FSTL5: variants seen among roughly 807,000 people sequenced by gnomAD.
The protein encoded by FSTL5 is follistatin like 5.
In FSTL5, 62 loss-of-function variants were observed where a neutral mutation model predicts 89.1. That is an observed-to-expected ratio of 0.70 (90% CI 0.57 to 0.86). The LOEUF (loss-of-function observed/expected upper bound fraction) is 0.86, where lower values mean the gene tolerates loss of function less well. Among genes scored for constraint, FSTL5 ranks in the 40% least tolerant of loss-of-function variants. The pLI is 0.00. For missense variants in FSTL5, 1,057 were observed against 1,001.6 expected (o/e 1.06, Z -0.75); for synonymous variants, 383 against 346.2 (o/e 1.11, Z -1.18).
intron 4 of FSTL5, among the ~76,000 whole-genome samples, chr4:161,901,926 C>G (rs1266960917): frequency 6.6e-6 from 1 of 152,096 alleles, no homozygotes; most frequent in East Asian, 1.9e-4. Flanking sequence ...CAGAGTGAGT[C>G]TCCATCTCCA....
chr4:161,519,831 G>A (rs1482606306), intron 10 of FSTL5, among the ~76,000 whole-genome samples: 3 of 152,108 alleles, frequency 2.0e-5, no homozygotes, highest in Non-Finnish European at 4.4e-5. Flanking sequence ...TAAGTATGTG[G>A]CAAGCAAAGT....
chr4:162,059,619 T>G (rs1156362428), intron 2 of FSTL5, among the ~76,000 whole-genome samples: 1 of 152,182 alleles, frequency 6.6e-6, no homozygotes, highest in African/African-American at 2.4e-5. Context: ...CACAGTAGTC[T>G]GCTAAGCCAA....
At chr4:161,790,136 G>T (rs888092682) in intron 4 of FSTL5, among the ~76,000 whole-genome samples, 2 of 152,108 alleles carry the variant, frequency 1.3e-5, no homozygotes, top group African/African-American at 4.8e-5. Context: ...ATTCTTACAA[G>T]GCCATAGAGT....
intron 3 of FSTL5, among the ~76,000 whole-genome samples, chr4:161,987,773 A>T (rs566330113): frequency 2.6e-5 from 4 of 151,676 alleles, no homozygotes; most frequent in Non-Finnish European, 5.9e-5. Flanking sequence ...AAGTTTCTCA[A>T]TGCAGGAATG....
At position 161,476,952 on chromosome 4, in the gene FSTL5, T is replaced by G. The variant is rs776917309; in HGVS notation, c.1608+4068A>C. 4.9e-4 allele frequency among the ~76,000 whole-genome samples: 75 copies of G among 152,198 alleles called. 1 individual carries two copies. Among genetic ancestry groups the G allele is most frequent in the Non-Finnish European group, 1.6e-4 (11 of 68,046 alleles). On this transcript the variant is annotated intron_variant, in intron 13 of 15. Transcript: ENST00000306100. ...TCTGCATGCAAGCTTCTCCTGTTTT[T>G]GACAGTTAATATTTTAATAGGCCAT...
At chr4:161,563,044 G>A (rs373880948) in intron 8 of FSTL5, among the ~76,000 whole-genome samples, 28 of 151,916 alleles carry the variant, frequency 1.8e-4, no homozygotes, top group African/African-American at 5.8e-4. Context: ...CAACATGTGT[G>A]GGCTACAAGG....
At chr4:161,503,179 A>G (rs1299885002) in intron 11 of FSTL5, among the ~76,000 whole-genome samples, 1 of 151,750 alleles carries the variant, frequency 6.6e-6, no homozygotes, top group Non-Finnish European at 1.5e-5. Flanking sequence ...TAAAATTTCC[A>G]TTAGTTAGAG....
intron 15 of FSTL5, among the ~76,000 whole-genome samples, chr4:161,416,700 C>G (rs1731795750): frequency 6.6e-6 from 1 of 150,986 alleles, no homozygotes; most frequent in Admixed American, 6.6e-5. Flanking sequence ...AAAAAATTAG[C>G]CGGGTGTGGT....
intron 4 of FSTL5, among the ~76,000 whole-genome samples, chr4:161,894,722 C>G (rs1377339659): frequency 6.6e-6 from 1 of 152,122 alleles, no homozygotes; most frequent in Non-Finnish European, 1.5e-5. Flanking sequence ...GCCTTGGCCT[C>G]CCAAAGTGCT....
At chr4:161,388,343 T>A (rs1005042243) in intron 15 of FSTL5, 1 of 152,076 alleles carries the variant, frequency 6.6e-6, no homozygotes, top group African/African-American at 2.4e-5. Context: ...ATACTGTTGA[T>A]AATTACTTAT....
chr4:161,636,144 C>T (rs1403668419), intron 7 of FSTL5, among the ~76,000 whole-genome samples: 1 of 150,442 alleles, frequency 6.6e-6, no homozygotes, highest in Non-Finnish European at 1.5e-5. Flanking sequence ...CATTATATAA[C>T]TTATTTTCTC....
chr4:161,580,005 T>G (rs1733378950), intron 8 of FSTL5, among the ~76,000 whole-genome samples: 1 of 152,166 alleles, frequency 6.6e-6, no homozygotes, highest in South Asian at 2.1e-4. Flanking sequence ...TGGATATTAA[T>G]TACTTTGGAC....
intron 15 of FSTL5, chr4:161,386,855 C>G (rs1234294282): frequency 6.2e-6 from 1 of 160,388 alleles, no homozygotes; most frequent in Non-Finnish European, 1.4e-5. Flanking sequence ...ATTGGTTTCA[C>G]TCATTTCATT....
chr4:161,870,671 A>G (rs1276173654), intron 4 of FSTL5, among the ~76,000 whole-genome samples: 1 of 152,188 alleles, frequency 6.6e-6, no homozygotes, highest in African/African-American at 2.4e-5. Flanking sequence ...CAGAGCTACA[A>G]TTGTTAATAA....
rs753867484 is a variant in FSTL5 at position 161,455,120 on chromosome 4, G to A, written c.1725C>T (p.Thr575=). The part of the protein sequence containing the change: ...EKTSPTLQVI[T]LASGNVPHHT... ...GGTGAGGCACATTCCCACTGGCCAG[G>A]GTAATTACCTAAAGAGAACACACCT... is the stretch of plus-strand genomic sequence containing the variant. The change falls in exon 15 of 16, where the codon ACC becomes ACT. Residue 575 remains threonine (T), a synonymous_variant. Coordinates refer to ENST00000306100, the MANE Select transcript of FSTL5 (RefSeq NM_020116.5). The A allele has an allele frequency of 6.2e-6, 10 of 1,605,140 alleles. No individual in the cohort carries two copies. The African/African-American group carries it at 1.3e-4, about 22-fold the overall frequency.
intron 4 of FSTL5, among the ~76,000 whole-genome samples, chr4:161,916,624 CAAAT>C (rs1166620504): frequency 6.6e-6 from 1 of 152,060 alleles, no homozygotes; most frequent in East Asian, 1.9e-4. Context: ...ATTTCATAAT[CAAAT>C]AAATGTGAAT....
chr4:161,617,420 A>T (rs959294055), intron 7 of FSTL5, among the ~76,000 whole-genome samples: 1 of 152,142 alleles, frequency 6.6e-6, no homozygotes, highest in African/African-American at 2.4e-5. Context: ...AAACCTATGC[A>T]ATTATAATAC....
chr4:161,805,682 GT>G (rs1237122659), intron 4 of FSTL5, among the ~76,000 whole-genome samples: 5 of 152,186 alleles, frequency 3.3e-5, no homozygotes, highest in African/African-American at 9.6e-5. Flanking sequence ...GGCAATACAT[GT>G]CACTGAACTA....
chr4:161,879,287 C>T (rs1732549412), intron 4 of FSTL5, among the ~76,000 whole-genome samples: 1 of 152,164 alleles, frequency 6.6e-6, no homozygotes, highest in Non-Finnish European at 1.5e-5. Flanking sequence ...AGCCCCATCT[C>T]TCACCTAGTG....
Sources: allele counts gnomAD v4.1 joint callset (sites outside exome capture counted in the v4.1 genomes callset), GRCh38; gene constraint gnomAD v4.1.1; transcripts MANE v1.5; gene names NCBI Gene and HGNC (gene_info 2026-07-23, HGNC 2026-07-21).